The following ABI2 variants were observed in gnomAD, a reference collection of about 807,000 sequenced individuals.
ABI2 encodes abl interactor 2, also known as abelson interactor 2.
ABI2 carries 25 observed loss-of-function variants against 59.2 expected under a neutral mutation model. The observed-to-expected ratio is 0.42, with a 90% CI of 0.31 to 0.59. The LOEUF is 0.59. Ranked by LOEUF, ABI2 falls within the 20% of genes least tolerant of loss-of-function variation. The probability of loss-of-function intolerance (pLI) is 0.14; values close to 1 mark genes in which losing one functional copy is unlikely to be tolerated. For synonymous variants in ABI2, 213 were observed against 235.5 expected (o/e 0.90, Z 0.87); for missense variants, 545 against 681.8 (o/e 0.80, Z 2.23).
chr2:203,362,695 T>A (rs1471136431), intron 1 of ABI2, among the ~76,000 whole-genome samples: 1 of 151,796 alleles, frequency 6.6e-6, no homozygotes, highest in East Asian at 1.9e-4. Flanking sequence ...CCTGGCTAAT[T>A]TTTATATGTT....
chr2:203,371,326 G>T (rs2095164193), intron 2 of ABI2, among the ~76,000 whole-genome samples: 2 of 152,124 alleles, frequency 1.3e-5, no homozygotes, highest in African/African-American at 4.8e-5. Context: ...CTGTATCGGG[G>T]AGAAATACTT....
intron 1 of ABI2, chr2:203,355,230 G>T: frequency 2.6e-6 from 1 of 385,812 alleles, no homozygotes; most frequent in South Asian, 1.9e-5. Flanking sequence ...AAGAAGACTG[G>T]GTACGGTGGC....
At chr2:203,425,011 T>A (rs1304160885) in intron 11 of ABI2, among the ~76,000 whole-genome samples, 1 of 151,042 alleles carries the variant, frequency 6.6e-6, no homozygotes, top group Non-Finnish European at 1.5e-5. Context: ...AGGCACGCGC[T>A]ACCATGCCAG....
chr2:203,414,673 A>C (rs770875601), intron 10 of ABI2, among the ~76,000 whole-genome samples: 61 of 152,336 alleles, frequency 4.0e-4, no homozygotes, highest in Admixed American at 1.2e-3. Flanking sequence ...CATATTAGTT[A>C]ATGTTTGTTG....
In ABI2 at chr2:203,369,668, G is replaced by A. The variant is rs2094916304; in HGVS notation, c.285+2624G>A. ...AGATTAATAAACTGGAAATTACAGAGGCCTCAGTCAAAGCTGTCAGGAATA... is the reference window on the plus strand; with the variant it reads ...AGATTAATAAACTGGAAATTACAGAAGCCTCAGTCAAAGCTGTCAGGAATA... On this transcript the variant is annotated intron_variant, in intron 2 of 11. Transcript: ENST00000261018. 2.6e-5 allele frequency among the ~76,000 whole-genome samples: 4 copies of A among 152,148 alleles called. No homozygotes were observed. In the South Asian group the frequency reaches 8.3e-4, roughly 32 times the overall value.
intron 1 of ABI2, among the ~76,000 whole-genome samples, chr2:203,337,401 AAGAAT>A (rs1292170837): frequency 1.3e-5 from 2 of 152,234 alleles, no homozygotes; most frequent in African/African-American, 2.4e-5. Flanking sequence ...TAACAGCAGA[AAGAAT>A]AGAATACTTA....
intron 1 of ABI2, among the ~76,000 whole-genome samples, chr2:203,347,631 G>A (rs1195710810): frequency 6.6e-6 from 1 of 152,162 alleles, no homozygotes; most frequent in Non-Finnish European, 1.5e-5. Flanking sequence ...TAGAGAACAG[G>A]GAATAGAAAT....
intron 1 of ABI2, chr2:203,329,026 C>T (rs34981535): frequency 0.025 from 4,199 of 165,144 alleles, 78 homozygotes; most frequent in Non-Finnish European, 0.037. Flanking sequence ...CGGGTTACCT[C>T]CATCCCCCAA....
In ABI2 at chr2:203,358,571, G is replaced by A. The variant is rs555150208; in HGVS notation, c.118-8306G>A. Among the ~76,000 whole-genome samples, 27 of 152,290 alleles carry A rather than the reference G, an allele frequency of 1.8e-4. No homozygotes were observed. In the South Asian group the frequency reaches 3.7e-3, roughly 21 times the overall value. Reference sequence around the variant, plus strand: ...AAACACTTTTAGAATTCTGTGTCTCGTTTCTGCTTCTTTATGCATGTTGGC... The same window carrying A: ...AAACACTTTTAGAATTCTGTGTCTCATTTCTGCTTCTTTATGCATGTTGGC... On this transcript the variant is annotated intron_variant, in intron 1 of 11. Coordinates refer to ENST00000261018, the MANE Select transcript of ABI2 (RefSeq NM_001375670.1).
In ABI2 at chr2:203,328,427, C is replaced by T; in HGVS notation, c.-88C>T. On this transcript the variant is annotated 5_prime_UTR_variant, in exon 1 of 12. Transcript: ENST00000261018. ...GTTACCGCCGCCGTCGCCGCCGCTC[C>T]TCCTCTCCCGGTCCTGGGTTTCCTT... The T allele has an allele frequency of 1.8e-6, 2 of 1,120,732 alleles. No homozygotes were observed. The highest frequency in any genetic ancestry group is 2.2e-5 in the Admixed American group (1 of 45,624). The allele number at this position is 1,120,732 out of a possible 1,614,324, so 69.4% of individuals were successfully genotyped here.
intron 1 of ABI2, among the ~76,000 whole-genome samples, chr2:203,329,434 G>A (rs528769997): frequency 3.9e-4 from 59 of 149,558 alleles, no homozygotes; most frequent in African/African-American, 1.3e-3. Context: ...GGGGGATACC[G>A]GATGGTATGA....
chr2:203,328,785 T>A, intron 1 of ABI2, 154 bp downstream of exon 1: 1 of 426,360 alleles, frequency 2.3e-6, no homozygotes, highest in Non-Finnish European at 4.2e-6. Flanking sequence ...GGTGAATGGG[T>A]GGGAATTCTC....
intron 2 of ABI2, among the ~76,000 whole-genome samples, chr2:203,371,069 G>A (rs919874802): frequency 2.0e-5 from 3 of 152,096 alleles, no homozygotes; most frequent in Admixed American, 1.3e-4. Context: ...TTTGAACTTA[G>A]GTTTTTTCAT....
rs991780853 is a variant in ABI2, at chr2:203,431,993, TGAGTAAAAAC to T, written c.*4642_*4651del. 6.6e-6 allele frequency: 1 copy of T among 152,158 alleles called. No individual in the cohort carries two copies. The highest frequency in any genetic ancestry group is 1.5e-5 in the Non-Finnish European group (1 of 68,026). The allele number at this position is 152,158 out of a possible 1,614,324, so 9.4% of individuals were successfully genotyped here. On this transcript the variant is annotated 3_prime_UTR_variant, in exon 12 of 12. Transcript: ENST00000261018. Reference sequence around the variant, plus strand: ...AGGGAGAGTTGGTGGTATTATGAGTTGAGTAAAAACCATCCAGGGGAACTTGAGGGAGCAG... The same window carrying T: ...AGGGAGAGTTGGTGGTATTATGAGTTCATCCAGGGGAACTTGAGGGAGCAG...
At chr2:203,408,829 C>CTTTATTTTTTT (rs2097537098) in intron 9 of ABI2, among the ~76,000 whole-genome samples, 2 of 69,250 alleles carry the variant, frequency 2.9e-5, no homozygotes, top group Admixed American at 1.6e-4. Flanking sequence ...CTACCTTCTC[C>CTTTATTTTTTT]TTTCTTTTTT....
chr2:203,349,774 C>G (rs550702395), intron 1 of ABI2, among the ~76,000 whole-genome samples: 1 of 151,732 alleles, frequency 6.6e-6, no homozygotes, highest in East Asian at 1.9e-4. Flanking sequence ...ATTTTGTTTA[C>G]CCATTTGTCA....
Position 203,416,953 on chromosome 2 carries a change from TTGATGA to T in ABI2, c.1326_1331del (p.Phe442_Glu444delinsLeu), listed in dbSNP as rs765143912. 1.9e-6 allele frequency: 3 copies of T among 1,614,026 alleles called. No homozygotes were observed. The highest frequency in any genetic ancestry group is 2.2e-5 in the South Asian group (2 of 91,042). ...CCGCCACCTGTGGAAGAACCAGTCT[TTGATGA>T]GTCTCCCCCACCTCCTCCTCCTCCA... On this transcript the variant is annotated inframe_deletion, in exon 11 of 12. Coordinates refer to ENST00000261018, the MANE Select transcript of ABI2 (RefSeq NM_001375670.1).
At chr2:203,384,509 T>C (rs537856591) in intron 4 of ABI2, among the ~76,000 whole-genome samples, 2 of 151,996 alleles carry the variant, frequency 1.3e-5, no homozygotes, top group South Asian at 4.2e-4. Flanking sequence ...GGGGTCTCAC[T>C]GTGTTGGCCT....
At chr2:203,389,322 T>C (rs1313047997) in intron 4 of ABI2, among the ~76,000 whole-genome samples, 1 of 152,240 alleles carries the variant, frequency 6.6e-6, no homozygotes, top group Admixed American at 6.5e-5. Context: ...CTTTAAAATA[T>C]TGACATTTCA....
Sources: allele counts gnomAD v4.1 joint callset (sites outside exome capture counted in the v4.1 genomes callset), GRCh38; gene constraint gnomAD v4.1.1; transcripts MANE v1.5; gene names NCBI Gene and HGNC (gene_info 2026-07-23, HGNC 2026-07-21).